Variants in FHIT observed in about 807,000 individuals in gnomAD.
FHIT encodes the protein fragile histidine triad diadenosine triphosphatase.
Under a neutral mutation model 17.9 loss-of-function variants are expected in FHIT, and 19 were observed. The ratio of observed to expected loss-of-function variants is 1.06; its 90% CI spans 0.74 to 1.56. FHIT has a LOEUF of 1.56. FHIT is among the 40% of genes most tolerant of loss of function. The pLI, the probability that FHIT is intolerant of heterozygous loss-of-function variation, is 0.00. For synonymous variants in FHIT, 81 were observed against 69.7 expected, an observed-to-expected ratio of 1.16 and a Z score of -0.81; for missense variants, 248 against 189.2, an observed-to-expected ratio of 1.31 and a Z score of -1.82.
intron 3 of FHIT, among the ~76,000 whole-genome samples, chr3:60,932,154 A>C (rs1707986889): frequency 6.6e-6 from 1 of 152,226 alleles, no homozygotes; most frequent in African/African-American, 2.4e-5. Flanking sequence ...CAAGTAAATA[A>C]AAAACCATTG....
At position 60,515,573 on chromosome 3, in the gene FHIT, AT is replaced by A. The variant is rs1283941712; in HGVS notation, c.103+21286del. On this transcript the variant is annotated intron_variant, in intron 5 of 9. Transcript: ENST00000492590. ...GCTACAAAGGGAAGTTTGGGCTTTAATTTAAAAAAAAAAAAAAAATGTTCAC... is the reference window on the plus strand; with the variant it reads ...GCTACAAAGGGAAGTTTGGGCTTTAATTAAAAAAAAAAAAAAAATGTTCAC... Among the ~76,000 whole-genome samples the A allele has an allele frequency of 1.0e-4, 11 of 108,286 alleles. No individual in the cohort carries two copies. The East Asian group carries it at 1.3e-3, about 13-fold the overall frequency. The allele number at this position is 108,286 out of a possible 152,430, so 71.0% of individuals were successfully genotyped here.
intron 5 of FHIT, among the ~76,000 whole-genome samples, chr3:60,220,645 C>T (rs1262046567): frequency 1.3e-5 from 2 of 152,028 alleles, no homozygotes; most frequent in Non-Finnish European, 2.9e-5. Context: ...AATATAACTT[C>T]AGTAGCAGAC....
chr3:60,239,392 C>T (rs963581672), intron 5 of FHIT, among the ~76,000 whole-genome samples: 2 of 151,984 alleles, frequency 1.3e-5, no homozygotes, highest in African/African-American at 2.4e-5. Flanking sequence ...TAGGGGGACC[C>T]CAGTCTTTTA....
intron 5 of FHIT, among the ~76,000 whole-genome samples, chr3:60,311,753 C>T (rs907642128): frequency 2.6e-5 from 4 of 152,088 alleles, no homozygotes. Context: ...CTCCTTCAGG[C>T]CCTCTCAATA....
chr3:60,312,706 T>G (rs1251447490), intron 5 of FHIT, among the ~76,000 whole-genome samples: 1 of 152,180 alleles, frequency 6.6e-6, no homozygotes, highest in Non-Finnish European at 1.5e-5. Context: ...TAAAAAACAC[T>G]GCATCTGAGG....
chr3:60,833,620 A>C (rs1702412863), intron 3 of FHIT, among the ~76,000 whole-genome samples: 2 of 152,178 alleles, frequency 1.3e-5, no homozygotes, highest in Non-Finnish European at 2.9e-5. Context: ...AGGTTGTAAG[A>C]AAAAATACAG....
At chr3:60,675,640 A>T (rs1333424276) in intron 4 of FHIT, among the ~76,000 whole-genome samples, 1 of 152,238 alleles carries the variant, frequency 6.6e-6, no homozygotes, top group Non-Finnish European at 1.5e-5. Flanking sequence ...ATACCTAAGC[A>T]GTAGTCTGCT....
chr3:61,105,025 C>G (rs539261167), intron 2 of FHIT, among the ~76,000 whole-genome samples: 19 of 152,200 alleles, frequency 1.2e-4, no homozygotes, highest in African/African-American at 4.3e-4. Flanking sequence ...TCCTGTAGCT[C>G]AATGATTTTC....
At chr3:60,395,538 G>C (rs1031335199) in intron 5 of FHIT, among the ~76,000 whole-genome samples, 1 of 152,154 alleles carries the variant, frequency 6.6e-6, no homozygotes. Flanking sequence ...AGACAAAAGC[G>C]AATGAGTCAT....
chr3:59,977,199 G>C (rs1708453062), intron 7 of FHIT, among the ~76,000 whole-genome samples: 1 of 152,132 alleles, frequency 6.6e-6, no homozygotes, highest in South Asian at 2.1e-4. Flanking sequence ...TAAAATAAAA[G>C]TGTTTTTCCC....
intron 5 of FHIT, among the ~76,000 whole-genome samples, chr3:60,108,583 G>C (rs749421553): frequency 2.6e-5 from 4 of 152,006 alleles, no homozygotes; most frequent in Admixed American, 2.6e-4. Flanking sequence ...AAGGACAGGG[G>C]ACTCCTAGCT....
chr3:60,349,104 A>G (rs897473941), intron 5 of FHIT, among the ~76,000 whole-genome samples: 1 of 152,238 alleles, frequency 6.6e-6, no homozygotes, highest in African/African-American at 2.4e-5. Flanking sequence ...ATAGAACATC[A>G]GGTTGCATAA....
chr3:60,139,141 C>A lies in FHIT; in HGVS notation c.104-124989G>T, dbSNP rs114420280. ...CTAACTGGCAAACAAGGAATCAGAT[C>A]CAGGGCCTTAGCTGTAAAGCATCTG... is the stretch of plus-strand genomic sequence containing the variant. On this transcript the variant is annotated intron_variant, in intron 5 of 9. Transcript: ENST00000492590. 1.0e-3 allele frequency among the ~76,000 whole-genome samples: 157 copies of A among 152,252 alleles called. 1 individual carries two copies. Among genetic ancestry groups the A allele is most frequent in the African/African-American group, 3.5e-3 (146 of 41,552 alleles).
rs188908205 is a variant in FHIT, at chr3:60,022,349, T to C, written c.104-8197A>G. 5.5e-3 allele frequency among the ~76,000 whole-genome samples: 836 copies of C among 152,336 alleles called. 7 individuals are homozygous for C. The highest frequency in any genetic ancestry group is 0.019 in the African/African-American group (805 of 41,580). On this transcript the variant is annotated intron_variant, in intron 5 of 9. Transcript: ENST00000492590. Reference sequence around the variant, plus strand: ...TGCCAAACAGTTCAGGTTACTGCCATGTCTGGGCATATGGTAGGCCTTCTG... The same window carrying C: ...TGCCAAACAGTTCAGGTTACTGCCACGTCTGGGCATATGGTAGGCCTTCTG...
At chr3:60,933,029 G>A (rs1271013589) in intron 3 of FHIT, among the ~76,000 whole-genome samples, 1 of 152,100 alleles carries the variant, frequency 6.6e-6, no homozygotes. Context: ...TTTAAAAAAT[G>A]GTAGTTATCT....
intron 8 of FHIT, among the ~76,000 whole-genome samples, chr3:59,761,616 T>A (rs117543999): frequency 0.012 from 1,772 of 152,256 alleles, 30 homozygotes; most frequent in African/African-American, 0.035. Context: ...ATTTTATTTT[T>A]TTTTTTTCGA....
rs1489267693 is a variant in FHIT, at chr3:60,401,613, CG to C, written c.103+135246del. ...CCAGCTTCCCTCCACTGTTAGTCCC[CG>C]GTGCTTCCCCACCCCATGTAGTTTC... On this transcript the variant is annotated intron_variant, in intron 5 of 9. Coordinates refer to ENST00000492590, the MANE Select transcript of FHIT (RefSeq NM_002012.4). 5.9e-5 allele frequency among the ~76,000 whole-genome samples: 9 copies of C among 152,244 alleles called. No homozygotes were observed. In the South Asian group the frequency reaches 1.9e-3, roughly 32 times the overall value.
intron 2 of FHIT, among the ~76,000 whole-genome samples, chr3:61,051,548 T>TGG (rs1559942601): frequency 6.6e-6 from 1 of 152,134 alleles, no homozygotes; most frequent in Non-Finnish European, 1.5e-5. Flanking sequence ...CACCCCTGGC[T>TGG]TCTTGGGTTA....
intron 5 of FHIT, among the ~76,000 whole-genome samples, chr3:60,483,997 A>G (rs894151389): frequency 4.6e-5 from 7 of 152,180 alleles, no homozygotes; most frequent in African/African-American, 1.7e-4. Context: ...ATACAAAATC[A>G]ATGTGCAAAA....
Sources: gnomAD v4.1 joint callset for allele counts (sites outside exome capture counted in the v4.1 genomes callset) on GRCh38, gnomAD v4.1.1 for gene constraint, MANE v1.5 for transcripts, NCBI Gene and HGNC (gene_info 2026-07-23, HGNC 2026-07-21) for gene names.